Variants in NCKAP5 observed in about 807,000 individuals in gnomAD.
The protein encoded by NCKAP5 is nck-associated protein 5.
In NCKAP5, 92 loss-of-function variants were observed where a neutral mutation model predicts 167.0. The observed-to-expected ratio is 0.55, with a 90% CI of 0.47 to 0.66. The LOEUF (loss-of-function observed/expected upper bound fraction) is 0.66, where lower values mean the gene tolerates loss of function less well. Among genes scored for constraint, NCKAP5 ranks in the 30% least tolerant of loss-of-function variants. The pLI, the probability that NCKAP5 is intolerant of heterozygous loss-of-function variation, is 0.00. For synonymous variants in NCKAP5, 891 were observed against 877.4 expected, an observed-to-expected ratio of 1.02 and a Z score of -0.27; for missense variants, 2,378 against 2,315.0, an observed-to-expected ratio of 1.03 and a Z score of -0.56.
intron 8 of NCKAP5, among the ~76,000 whole-genome samples, chr2:132,935,035 C>A (rs1244794817): frequency 6.6e-6 from 1 of 152,240 alleles, no homozygotes; most frequent in Non-Finnish European, 1.5e-5. Context: ...GGCTTTTTTC[C>A]CAGCTACAAG....
At chr2:133,409,977 T>A (rs562322949) in intron 3 of NCKAP5, among the ~76,000 whole-genome samples, 3 of 152,328 alleles carry the variant, frequency 2.0e-5, no homozygotes, top group Non-Finnish European at 4.4e-5. Context: ...AAAATGGTAC[T>A]AGACATGTTC....
At chr2:133,344,732 G>A (rs1023988192) in intron 3 of NCKAP5, among the ~76,000 whole-genome samples, 7 of 152,118 alleles carry the variant, frequency 4.6e-5, no homozygotes, top group South Asian at 2.1e-4. Flanking sequence ...AGGCAATCTC[G>A]AGAAAGACTC....
At chr2:133,047,010 G>A (rs922007746) in intron 6 of NCKAP5, among the ~76,000 whole-genome samples, 2 of 152,128 alleles carry the variant, frequency 1.3e-5, no homozygotes, top group Non-Finnish European at 2.9e-5. Context: ...ATATTTCAGA[G>A]TGATTTGCCC....
rs572224099 is a variant in NCKAP5 at position 133,273,038 on chromosome 2, A to T, written c.143+29999T>A. The stretch of plus-strand genomic sequence containing the variant: ...TTCATGTACAAGTTTTTGTGTGGGC[A>T]TATGTATTCATTTCTTCTAGGTATA... On this transcript the variant is annotated intron_variant, in intron 4 of 19. Transcript: ENST00000409261. Among the ~76,000 whole-genome samples, 13 of 152,228 alleles carry T rather than the reference A, an allele frequency of 8.5e-5. No individual in the cohort carries two copies. In the South Asian group the frequency reaches 2.3e-3, roughly 27 times the overall value.
chr2:133,536,269 G>A (rs1404092937), intron 2 of NCKAP5, among the ~76,000 whole-genome samples: 1 of 152,018 alleles, frequency 6.6e-6, no homozygotes, highest in East Asian at 1.9e-4. Flanking sequence ...TATAGTTTCA[G>A]GTCTTACACT....
At chr2:133,089,511 T>G (rs544753671) in intron 6 of NCKAP5, among the ~76,000 whole-genome samples, 1 of 152,326 alleles carries the variant, frequency 6.6e-6, no homozygotes, top group South Asian at 2.1e-4. Context: ...ATGGTTCAAA[T>G]GATGCCCCTG....
At chr2:132,809,789 A>G (rs1685720271) in intron 11 of NCKAP5, among the ~76,000 whole-genome samples, 1 of 152,084 alleles carries the variant, frequency 6.6e-6, no homozygotes, top group African/African-American at 2.4e-5. Flanking sequence ...GTGACGTACC[A>G]TTGCATTTAT....
intron 4 of NCKAP5, among the ~76,000 whole-genome samples, chr2:133,288,162 T>G (rs1407803746): frequency 1.3e-5 from 2 of 152,174 alleles, no homozygotes; most frequent in Non-Finnish European, 2.9e-5. Flanking sequence ...GCATGGGAAT[T>G]TCAGTTCATC....
chr2:132,692,154 A>ATTTTATTTTATTTTATTTTATTTTT (rs1553472635), intron 19 of NCKAP5, among the ~76,000 whole-genome samples: 16 of 141,862 alleles, frequency 1.1e-4, no homozygotes, highest in African/African-American at 4.5e-4. Context: ...ATTTTATTTT[A>ATTTTATTTTATTTTATTTTATTTTT]TTTTTTGAGA....
chr2:132,920,057 G>T (rs1027021048), intron 8 of NCKAP5, among the ~76,000 whole-genome samples: 2 of 152,098 alleles, frequency 1.3e-5, no homozygotes, highest in African/African-American at 4.8e-5. Context: ...GCTACTGCCT[G>T]CATACCTACA....
chr2:133,302,796 AAAAAAAAT>A (rs1680482652), intron 4 of NCKAP5, among the ~76,000 whole-genome samples: 1 of 150,102 alleles, frequency 6.7e-6, no homozygotes, highest in African/African-American at 2.5e-5. Flanking sequence ...AAATAAAAAT[AAAAAAAAT>A]AAATAAATAA....
intron 5 of NCKAP5, among the ~76,000 whole-genome samples, chr2:133,150,899 A>G (rs1042463005): frequency 1.3e-5 from 2 of 152,222 alleles, no homozygotes; most frequent in African/African-American, 4.8e-5. Context: ...TACAGCAATG[A>G]ACAAACTACA....
intron 8 of NCKAP5, among the ~76,000 whole-genome samples, chr2:132,946,536 T>C (rs1286664988): frequency 6.6e-6 from 1 of 152,196 alleles, no homozygotes; most frequent in African/African-American, 2.4e-5. Flanking sequence ...GTTGAAAAGC[T>C]GACAAGGAAA....
chr2:133,365,056 A>T (rs994091635), intron 3 of NCKAP5, among the ~76,000 whole-genome samples: 1 of 152,010 alleles, frequency 6.6e-6, no homozygotes, highest in Admixed American at 6.6e-5. Flanking sequence ...TGGCCTTTAT[A>T]ATTTGTTTTA....
chr2:132,870,237 C>A (rs1054512404), intron 9 of NCKAP5, among the ~76,000 whole-genome samples: 3 of 152,242 alleles, frequency 2.0e-5, no homozygotes, highest in East Asian at 3.9e-4. Flanking sequence ...CTGCATATTT[C>A]AAAATACTTT....
At chr2:132,847,713 C>A (rs979844804) in intron 11 of NCKAP5, among the ~76,000 whole-genome samples, 1 of 152,128 alleles carries the variant, frequency 6.6e-6, no homozygotes, top group Non-Finnish European at 1.5e-5. Flanking sequence ...AATCAAAAGT[C>A]ATTGTGGAAG....
intron 6 of NCKAP5, among the ~76,000 whole-genome samples, chr2:133,096,282 G>A (rs2149660432): frequency 6.6e-6 from 1 of 152,182 alleles, no homozygotes; most frequent in African/African-American, 2.4e-5. Flanking sequence ...CTTGAGACCA[G>A]GAGTTCGAGA....
the NCKAP5 span, among the ~76,000 whole-genome samples, chr2:133,670,942 G>T: frequency 3.9e-5 from 6 of 152,092 alleles, no homozygotes; most frequent in Admixed American, 6.6e-5. Flanking sequence ...GAGGCCAGGC[G>T]CAGTGGCTCA....
chr2:133,175,784 T>G (rs954264728), intron 5 of NCKAP5, among the ~76,000 whole-genome samples: 2 of 152,198 alleles, frequency 1.3e-5, no homozygotes, highest in African/African-American at 4.8e-5. Flanking sequence ...CTAATTGGGT[T>G]AGGAGCCACC....
Sources: gnomAD v4.1 joint callset for allele counts (sites outside exome capture counted in the v4.1 genomes callset) on GRCh38, gnomAD v4.1.1 for gene constraint, MANE v1.5 for transcripts, NCBI Gene and HGNC (gene_info 2026-07-23, HGNC 2026-07-21) for gene names.